The following PSME3IP1 variants were observed in gnomAD, a reference collection of about 807,000 sequenced individuals.
The protein encoded by PSME3IP1 is PSME3-interacting protein.
PSME3IP1 carries 13 observed loss-of-function variants against 34.1 expected under a neutral mutation model. The observed-to-expected ratio is 0.38, with a 90% confidence interval of 0.25 to 0.61. PSME3IP1 has a LOEUF of 0.61. Ranked by LOEUF, PSME3IP1 falls within the 20% of genes least tolerant of loss-of-function variation. PSME3IP1 has a pLI of 0.60. For missense variants in PSME3IP1, 237 were observed against 301.4 expected (o/e 0.79, Z 1.58); for synonymous variants, 93 against 114.3 (o/e 0.81, Z 1.19).
intron 1 of PSME3IP1, among the ~76,000 whole-genome samples, chr16:57,180,907 T>G (rs2073642346): frequency 6.6e-6 from 1 of 151,942 alleles, no homozygotes; most frequent in South Asian, 2.1e-4. Context: ...TATTTAAAAA[T>G]TAGCCAGGTG....
intron 4 of PSME3IP1, among the ~76,000 whole-genome samples, chr16:57,171,032 C>T (rs1203575043): frequency 6.6e-6 from 1 of 151,842 alleles, no homozygotes; most frequent in Non-Finnish European, 1.5e-5. Flanking sequence ...GAGATCGCGC[C>T]ACTGCAGTCC....
At chr16:57,166,890 A>G (rs1272085825) in intron 5 of PSME3IP1, among the ~76,000 whole-genome samples, 1 of 152,234 alleles carries the variant, frequency 6.6e-6, no homozygotes, top group Non-Finnish European at 1.5e-5. Flanking sequence ...GCTATTATTT[A>G]TATTTGTTGA....
intron 2 of PSME3IP1, among the ~76,000 whole-genome samples, chr16:57,173,190 T>C (rs537303778): frequency 1.5e-4 from 23 of 152,256 alleles, no homozygotes; most frequent in Admixed American, 5.9e-4. Context: ...TCCACCTGTA[T>C]AGATGGAGGA....
chr16:57,166,682 C>A (rs575471081), intron 5 of PSME3IP1, among the ~76,000 whole-genome samples: 2 of 152,158 alleles, frequency 1.3e-5, no homozygotes, highest in African/African-American at 4.8e-5. Flanking sequence ...TAGACAGAAG[C>A]CCAAATAATG....
chr16:57,160,866 C>T (rs934773563), intron 6 of PSME3IP1, among the ~76,000 whole-genome samples: 1 of 152,152 alleles, frequency 6.6e-6, no homozygotes, highest in Non-Finnish European at 1.5e-5. Flanking sequence ...GATCAACCTT[C>T]CAGATCAAAC....
chr16:57,168,264 G>T (rs940338533), intron 4 of PSME3IP1, among the ~76,000 whole-genome samples: 33 of 152,262 alleles, frequency 2.2e-4, no homozygotes, highest in Admixed American at 7.8e-4. Flanking sequence ...TATGGTTAAG[G>T]TTATTTATCT....
intron 1 of PSME3IP1, among the ~76,000 whole-genome samples, chr16:57,175,172 G>T (rs1040278902): frequency 5.9e-5 from 9 of 151,994 alleles, no homozygotes; most frequent in African/African-American, 2.2e-4. Context: ...GTGCCAACAC[G>T]CCCAGCTAAT....
chr16:57,152,632 G>C lies in PSME3IP1; in HGVS notation c.*1658C>G, dbSNP rs977455059. 3.9e-5 allele frequency: 6 copies of C among 152,660 alleles called. No individual in the cohort carries two copies. The highest frequency in any genetic ancestry group is 2.9e-5 in the Non-Finnish European group (2 of 68,050). The allele number at this position is 152,660 out of a possible 1,614,324, so 9.5% of individuals were successfully genotyped here. On this transcript the variant is annotated 3_prime_UTR_variant, in exon 7 of 7. Coordinates refer to ENST00000309137, the MANE Select transcript of PSME3IP1 (RefSeq NM_024946.4). ...ACTTTGATGTCCTGGCCTGCCTCCT[G>C]TAACAATGTGAGGCTGTTTTGGGTA...
At chr16:57,168,717 C>T (rs1351049074) in intron 4 of PSME3IP1, among the ~76,000 whole-genome samples, 3 of 147,240 alleles carry the variant, frequency 2.0e-5, no homozygotes, top group African/African-American at 5.0e-5. Flanking sequence ...CCAGGAGAAT[C>T]GCTTGAACCC....
chr16:57,168,924 A>T (rs1278310317), intron 4 of PSME3IP1, among the ~76,000 whole-genome samples: 1 of 151,748 alleles, frequency 6.6e-6, no homozygotes, highest in Non-Finnish European at 1.5e-5. Flanking sequence ...AGTTCTCAAA[A>T]CTCTCAATAT....
In PSME3IP1 at chr16:57,160,118, G is replaced by A. The variant is rs529986001; in HGVS notation, c.547+3883C>T. 3.9e-5 allele frequency among the ~76,000 whole-genome samples: 6 copies of A among 152,076 alleles called. No individual in the cohort carries two copies. The South Asian group carries it at 8.3e-4, about 21-fold the overall frequency. On this transcript the variant is annotated intron_variant, in intron 6 of 6. Transcript: ENST00000309137. ...ATCCTGGCTAACAAGGTGAAACCCC[G>A]TCTCTACTAAAAATACAAAAAATTA...
At chr16:57,164,937 A>G (rs1567385285) in intron 5 of PSME3IP1, among the ~76,000 whole-genome samples, 1 of 152,010 alleles carries the variant, frequency 6.6e-6, no homozygotes, top group Non-Finnish European at 1.5e-5. Flanking sequence ...AGGCTGAGGC[A>G]TGAGAATCGC....
At chr16:57,165,470 G>C (rs2071756205) in intron 5 of PSME3IP1, among the ~76,000 whole-genome samples, 1 of 152,154 alleles carries the variant, frequency 6.6e-6, no homozygotes, top group Non-Finnish European at 1.5e-5. Context: ...AACTAGAAGA[G>C]AGTAAAGAAT....
At chr16:57,168,568 G>A (rs1485669713) in intron 4 of PSME3IP1, among the ~76,000 whole-genome samples, 9 of 151,898 alleles carry the variant, frequency 5.9e-5, no homozygotes, top group East Asian at 5.8e-4. Context: ...TTGGGAGGCC[G>A]AGGTGGGCAG....
At chr16:57,169,920 T>C (rs1322126447) in intron 4 of PSME3IP1, among the ~76,000 whole-genome samples, 1 of 152,000 alleles carries the variant, frequency 6.6e-6, no homozygotes, top group African/African-American at 2.4e-5. Context: ...AATCCTACAG[T>C]TGAGATTGAG....
chr16:57,154,107 AC>A lies in PSME3IP1; in HGVS notation c.*182del. The A allele has an allele frequency of 1.7e-6, 1 of 595,332 alleles. No individual in the cohort carries two copies. Among genetic ancestry groups the A allele is most frequent in the Non-Finnish European group, 3.0e-6 (1 of 338,060 alleles). The allele number at this position is 595,332 out of a possible 1,614,324, so 36.9% of individuals were successfully genotyped here. On this transcript the variant is annotated 3_prime_UTR_variant, in exon 7 of 7. Transcript: ENST00000309137. The surrounding 1 kb of genome is among the most constrained non-coding windows in gnomAD (Gnocchi z 4.0). The stretch of plus-strand genomic sequence containing the variant: ...CATCTGCAGTGGAGTAGAAAGAGGA[AC>A]CAAACACGATTCGGGCCACAGGTGG...
At chr16:57,184,497 TA>T (rs1391136566) in intron 1 of PSME3IP1, among the ~76,000 whole-genome samples, 4 of 152,188 alleles carry the variant, frequency 2.6e-5, no homozygotes, top group Non-Finnish European at 5.9e-5. Flanking sequence ...TATTCTATAG[TA>T]AAGAGTGAAA....
At chr16:57,173,224 A>G (rs570626167) in intron 2 of PSME3IP1, among the ~76,000 whole-genome samples, 11 of 152,270 alleles carry the variant, frequency 7.2e-5, no homozygotes, top group African/African-American at 2.4e-4. Flanking sequence ...TCTTGGAAGG[A>G]AGTGTGGTAG....
At chr16:57,160,154 G>C (rs2071054536) in intron 6 of PSME3IP1, among the ~76,000 whole-genome samples, 1 of 152,092 alleles carries the variant, frequency 6.6e-6, no homozygotes, top group South Asian at 2.1e-4. Context: ...GCCGGGCGCG[G>C]TGGCGGGCGC....
Sources: gnomAD v4.1 joint callset for allele counts (sites outside exome capture counted in the v4.1 genomes callset) on GRCh38, gnomAD v4.1.1 for gene constraint, Gnocchi (gnomAD v3.1) non-coding constraint, MANE v1.5 for transcripts, NCBI Gene and HGNC (gene_info 2026-07-23, HGNC 2026-07-21) for gene names.